CDIN1: variants seen among roughly 807,000 people sequenced by gnomAD.
The protein encoded by CDIN1 is CDAN1-interacting nuclease 1.
In CDIN1, 33 loss-of-function variants were observed where a neutral mutation model predicts 45.3. The ratio of observed to expected loss-of-function variants is 0.73; its 90% CI spans 0.55 to 0.97. The LOEUF is 0.97. CDIN1 is among the 50% of genes least tolerant of loss of function. CDIN1 has a pLI of 0.00. For missense variants in CDIN1, 303 were observed against 339.4 expected, an observed-to-expected ratio of 0.89 and a Z score of 0.84; for synonymous variants, 118 against 124.4, an observed-to-expected ratio of 0.95 and a Z score of 0.34.
intron 10 of CDIN1, among the ~76,000 whole-genome samples, chr15:36,751,206 A>G (rs2053452495): frequency 8.2e-6 from 1 of 121,706 alleles, no homozygotes; most frequent in South Asian, 2.8e-4. Flanking sequence ...TTTTATTGAT[A>G]AAAGCATATA....
At chr15:36,593,205 T>C (rs2037663136) in intron 1 of CDIN1, among the ~76,000 whole-genome samples, 1 of 152,228 alleles carries the variant, frequency 6.6e-6, no homozygotes, top group Admixed American at 6.5e-5. Flanking sequence ...ATAGTTAGAC[T>C]CAGCATATTA....
intron 10 of CDIN1, chr15:36,756,100 G>A (rs190087872): frequency 2.2e-4 from 99 of 455,926 alleles, no homozygotes; most frequent in African/African-American, 6.2e-4. Flanking sequence ...GTTTGACCCC[G>A]AACATGGTGA....
At chr15:36,789,228 T>A (rs1048145310) in intron 10 of CDIN1, among the ~76,000 whole-genome samples, 4 of 152,204 alleles carry the variant, frequency 2.6e-5, no homozygotes, top group African/African-American at 9.6e-5. Flanking sequence ...CATTTAACTT[T>A]GGGTAATTTA....
chr15:36,625,325 G>C (rs1321424584), intron 1 of CDIN1, among the ~76,000 whole-genome samples: 1 of 151,866 alleles, frequency 6.6e-6, no homozygotes, highest in African/African-American at 2.4e-5. Context: ...TCTGTGAAAA[G>C]GTTGGAAAGT....
At position 36,692,152 on chromosome 15, in the gene CDIN1, A is replaced by G. The variant is rs1045206169; in HGVS notation, c.453A>G (p.Gly151=). 2.5e-6 allele frequency: 4 copies of G among 1,613,612 alleles called. No homozygotes were observed. Among genetic ancestry groups the G allele is most frequent in the East Asian group, 4.5e-5 (2 of 44,880 alleles). ...GCATTGTGAACGACTGCTGTTACGG[A>G]CCACTAGTGGACTGCATCAAGCAGT... ...YQCIVNDCCY[G]PLVDCIKHAI... is the part of the protein sequence containing the mutation. Residue 151 remains glycine, a synonymous_variant, in exon 7 of 11, where the codon GGA becomes GGG. Transcript: ENST00000566621.
chr15:36,651,046 G>C (rs1309867390), intron 3 of CDIN1, among the ~76,000 whole-genome samples: 1 of 151,692 alleles, frequency 6.6e-6, no homozygotes. Flanking sequence ...CTGGGTGACA[G>C]AGCAAGACTT....
chr15:36,703,380 A>ATACATG (rs2042736019), intron 8 of CDIN1, among the ~76,000 whole-genome samples: 1 of 16,336 alleles, frequency 6.1e-5, no homozygotes, highest in Admixed American at 1.4e-3. Flanking sequence ...TCATATATAT[A>ATACATG]TATATCAGAT....
chr15:36,789,349 C>G, intron 10 of CDIN1, among the ~76,000 whole-genome samples: 1 of 152,058 alleles, frequency 6.6e-6, no homozygotes, highest in East Asian at 1.9e-4. Context: ...TTAGAGTAAA[C>G]AAATATAGAA....
At chr15:36,697,220 T>G in intron 7 of CDIN1, 103 bp from the exon 8 acceptor site, 1 of 850,452 alleles carries the variant, frequency 1.2e-6, no homozygotes, top group Non-Finnish European at 2.0e-6. Context: ...CTCCAAGATG[T>G]GGACTAAGGG....
At chr15:36,617,169 TG>T in intron 1 of CDIN1, 1 of 947,256 alleles carries the variant, frequency 1.1e-6, no homozygotes, top group Non-Finnish European at 1.8e-6. Context: ...AAATTGCTCC[TG>T]GGAATACTGA....
chr15:36,762,909 T>G (rs1237881727), intron 10 of CDIN1, among the ~76,000 whole-genome samples: 1 of 152,144 alleles, frequency 6.6e-6, no homozygotes, highest in Non-Finnish European at 1.5e-5. Flanking sequence ...ACATTTGGGT[T>G]GGTTCCAAGT....
intron 10 of CDIN1, among the ~76,000 whole-genome samples, chr15:36,768,453 G>A (rs1337791563): frequency 2.0e-5 from 3 of 152,162 alleles, no homozygotes; most frequent in Non-Finnish European, 4.4e-5. Flanking sequence ...GGGAAAATTT[G>A]AACTAGACTG....
intron 10 of CDIN1, among the ~76,000 whole-genome samples, chr15:36,787,200 C>G (rs949937847): frequency 5.3e-5 from 8 of 152,196 alleles, no homozygotes; most frequent in African/African-American, 1.9e-4. Flanking sequence ...CCCTGAAGTA[C>G]CAGGCATGGA....
chr15:36,750,621 T>A (rs189233996), intron 10 of CDIN1, among the ~76,000 whole-genome samples: 1 of 152,160 alleles, frequency 6.6e-6, no homozygotes, highest in Non-Finnish European at 1.5e-5. Context: ...ACTGAGGCAG[T>A]GGCTTGAGCT....
In CDIN1 at chr15:36,659,968, T is replaced by TTC. The variant is rs1323742352; in HGVS notation, c.346+2064_346+2065insCT. On this transcript the variant is annotated intron_variant, in intron 5 of 10. Transcript: ENST00000566621. ...ATTCTCTCTTTTTCCTTCCTTTTCT[T>TTC]TTTTTTTTTTTTTTTTCTTAAAGAA... is the stretch of plus-strand genomic sequence containing the variant. 6.4e-5 allele frequency among the ~76,000 whole-genome samples: 9 copies of TTC among 141,108 alleles called. 1 individual carries two copies. Among genetic ancestry groups the TTC allele is most frequent in the African/African-American group, 1.9e-4 (7 of 37,230 alleles). The allele number at this position is 141,108 out of a possible 152,430, so 92.6% of individuals were successfully genotyped here.
intron 10 of CDIN1, among the ~76,000 whole-genome samples, chr15:36,713,003 C>A (rs181311920): frequency 6.7e-4 from 102 of 152,228 alleles, no homozygotes; most frequent in African/African-American, 2.4e-3. Context: ...AAGGTGAGTT[C>A]TTTGACAATT....
At chr15:36,729,008 A>G (rs972614171) in intron 10 of CDIN1, among the ~76,000 whole-genome samples, 1 of 152,216 alleles carries the variant, frequency 6.6e-6, no homozygotes, top group Non-Finnish European at 1.5e-5. Context: ...CAACTGGAAA[A>G]GCATTTGGAA....
chr15:36,679,894 A>T (rs1363521544), intron 5 of CDIN1, among the ~76,000 whole-genome samples: 1 of 152,198 alleles, frequency 6.6e-6, no homozygotes, highest in African/African-American at 2.4e-5. Flanking sequence ...GATGCACCCC[A>T]GTGGAGACCA....
At chr15:36,747,869 G>A (rs548498139) in intron 10 of CDIN1, among the ~76,000 whole-genome samples, 4 of 151,994 alleles carry the variant, frequency 2.6e-5, no homozygotes, top group Admixed American at 2.6e-4. Flanking sequence ...CAAGACCTGA[G>A]GATTTTTCAC....
Sources: allele counts gnomAD v4.1 joint callset (sites outside exome capture counted in the v4.1 genomes callset), GRCh38; gene constraint gnomAD v4.1.1; transcripts MANE v1.5; gene names NCBI Gene and HGNC (gene_info 2026-07-23, HGNC 2026-07-21).